DPP10: variants seen among roughly 807,000 people sequenced by gnomAD.
DPP10 encodes dipeptidyl peptidase like 10.
In DPP10, 33 loss-of-function variants were observed where a neutral mutation model predicts 120.9. That is an observed-to-expected ratio of 0.27 (90% CI 0.21 to 0.37). DPP10 has a LOEUF of 0.37. Ranked by LOEUF, DPP10 falls within the 10% of genes least tolerant of loss-of-function variation. The probability of loss-of-function intolerance (pLI) is 1.00; values close to 1 mark genes in which losing one functional copy is unlikely to be tolerated. For synonymous variants in DPP10, 337 were observed against 326.1 expected, an observed-to-expected ratio of 1.03 and a Z score of -0.36; for missense variants, 816 against 942.8, an observed-to-expected ratio of 0.87 and a Z score of 1.76.
chr2:115,485,304 C>G (rs1253994312), intron 3 of DPP10, among the ~76,000 whole-genome samples: 1 of 146,818 alleles, frequency 6.8e-6, no homozygotes, highest in African/African-American at 2.6e-5. Context: ...TTATTTTATC[C>G]AAAGAAAAAC....
intron 1 of DPP10, among the ~76,000 whole-genome samples, chr2:114,476,715 G>T (rs1160604033): frequency 1.3e-5 from 2 of 152,072 alleles, no homozygotes; most frequent in African/African-American, 4.8e-5. Context: ...ATGGCTTGGT[G>T]GATATTATTT....
At chr2:114,791,762 A>C (rs1379761081) in intron 1 of DPP10, among the ~76,000 whole-genome samples, 1 of 152,180 alleles carries the variant, frequency 6.6e-6, no homozygotes, top group Non-Finnish European at 1.5e-5. Context: ...GTGGAAGAAA[A>C]CATCAGAAAC....
chr2:115,515,569 A>G (rs1558784210), intron 4 of DPP10, among the ~76,000 whole-genome samples: 1 of 152,094 alleles, frequency 6.6e-6, no homozygotes, highest in Non-Finnish European at 1.5e-5. Context: ...TGGCAGGAAC[A>G]TTTTAAAAAA....
intron 1 of DPP10, among the ~76,000 whole-genome samples, chr2:115,022,563 T>G (rs959107661): frequency 6.6e-6 from 1 of 152,152 alleles, no homozygotes. Flanking sequence ...ATTGTGAAAA[T>G]GACCATACTG....
chr2:114,544,690 G>A (rs1687229654), intron 1 of DPP10, among the ~76,000 whole-genome samples: 1 of 151,074 alleles, frequency 6.6e-6, no homozygotes, highest in Non-Finnish European at 1.5e-5. Flanking sequence ...TATACATTAA[G>A]CGTAATAATT....
chr2:114,871,430 G>A (rs906605862), intron 1 of DPP10, among the ~76,000 whole-genome samples: 1 of 152,098 alleles, frequency 6.6e-6, no homozygotes, highest in Non-Finnish European at 1.5e-5. Context: ...GCCATTAAAA[G>A]TAATGATACA....
intron 1 of DPP10, among the ~76,000 whole-genome samples, chr2:114,780,755 T>C (rs1682250124): frequency 6.6e-6 from 1 of 152,064 alleles, no homozygotes; most frequent in South Asian, 2.1e-4. Context: ...TTTATTGACA[T>C]GAGTAGAATA....
chr2:115,224,539 G>C (rs2057339282), intron 1 of DPP10, among the ~76,000 whole-genome samples: 1 of 152,192 alleles, frequency 6.6e-6, no homozygotes, highest in East Asian at 1.9e-4. Context: ...GGGGAGGTTG[G>C]GGAGATGATC....
intron 1 of DPP10, among the ~76,000 whole-genome samples, chr2:115,291,720 T>G (rs184968369): frequency 6.6e-6 from 1 of 152,248 alleles, no homozygotes; most frequent in Non-Finnish European, 1.5e-5. Flanking sequence ...TCCATGAGCT[T>G]TTCAGAACTG....
intron 5 of DPP10, among the ~76,000 whole-genome samples, chr2:115,653,634 T>C (rs540394937): frequency 6.6e-6 from 1 of 152,092 alleles, no homozygotes; most frequent in East Asian, 1.9e-4. Context: ...AATGTGTATG[T>C]TCTTTCTTTC....
intron 1 of DPP10, among the ~76,000 whole-genome samples, chr2:114,836,755 G>T (rs892545417): frequency 6.6e-6 from 1 of 152,156 alleles, no homozygotes. Context: ...ATGGGAGACT[G>T]GGGCTTATTT....
intron 1 of DPP10, among the ~76,000 whole-genome samples, chr2:114,857,838 T>G (rs368286188): frequency 6.6e-6 from 1 of 152,206 alleles, no homozygotes; most frequent in South Asian, 2.1e-4. Context: ...GTCCTTACTT[T>G]AATCAGCATT....
intron 1 of DPP10, among the ~76,000 whole-genome samples, chr2:115,053,768 G>C (rs1437510821): frequency 1.3e-5 from 2 of 151,884 alleles, no homozygotes; most frequent in Non-Finnish European, 2.9e-5. Context: ...TTCAACTATT[G>C]GTCTGAAACT....
intron 1 of DPP10, among the ~76,000 whole-genome samples, chr2:114,484,750 G>C (rs1444696732): frequency 6.6e-6 from 1 of 152,042 alleles, no homozygotes; most frequent in Non-Finnish European, 1.5e-5. Flanking sequence ...ATTAGACTTT[G>C]AAAGACATTG....
At chr2:115,381,458 A>G (rs545655206) in intron 3 of DPP10, among the ~76,000 whole-genome samples, 3 of 151,980 alleles carry the variant, frequency 2.0e-5, no homozygotes, top group Non-Finnish European at 2.9e-5. Context: ...ATTCTTCTAA[A>G]TTTTTTTCAA....
intron 1 of DPP10, among the ~76,000 whole-genome samples, chr2:114,723,054 A>AT (rs1469472672): frequency 6.6e-6 from 1 of 152,158 alleles, no homozygotes. Flanking sequence ...CATTCATGAG[A>AT]TGGAGGTGGG....
chr2:114,532,553 T>C (rs114545476), intron 1 of DPP10, among the ~76,000 whole-genome samples: 2,182 of 152,124 alleles, frequency 0.014, 47 homozygotes, highest in African/African-American at 0.048. Context: ...TGTCCTCGAT[T>C]ACATTCTGTT....
At chr2:115,831,348 A>G (rs1045067858) in intron 21 of DPP10, among the ~76,000 whole-genome samples, 3 of 152,076 alleles carry the variant, frequency 2.0e-5, no homozygotes, top group African/African-American at 7.2e-5. Context: ...TCCTGGGTTC[A>G]AGCAATTCTC....
chr2:115,271,287 C>T (rs182096613), intron 1 of DPP10, among the ~76,000 whole-genome samples: 149 of 152,250 alleles, frequency 9.8e-4, no homozygotes, highest in African/African-American at 3.3e-3. Flanking sequence ...CCTGGCCATT[C>T]TACTTGTTGG....
Sources: gnomAD v4.1 joint callset for allele counts (sites outside exome capture counted in the v4.1 genomes callset) on GRCh38, gnomAD v4.1.1 for gene constraint, MANE v1.5 for transcripts, NCBI Gene and HGNC (gene_info 2026-07-23, HGNC 2026-07-21) for gene names.